RPS6KC1: variants seen among roughly 807,000 people sequenced by gnomAD.
The protein encoded by RPS6KC1 is inactive ribosomal protein S6 kinase delta-1.
RPS6KC1 carries 54 observed loss-of-function variants against 103.8 expected under a neutral mutation model. The observed-to-expected ratio is 0.52, with a 90% confidence interval of 0.42 to 0.65. RPS6KC1 has a LOEUF of 0.65. Ranked by LOEUF, RPS6KC1 falls within the 30% of genes least tolerant of loss-of-function variation. The pLI is 0.00. For missense variants in RPS6KC1, 1,151 were observed against 1,253.8 expected, an observed-to-expected ratio of 0.92 and a Z score of 1.24; for synonymous variants, 439 against 438.7, an observed-to-expected ratio of 1.00 and a Z score of -0.01.
chr1:213,408,947 G>A, the RPS6KC1 span, among the ~76,000 whole-genome samples: 2 of 152,022 alleles, frequency 1.3e-5, no homozygotes, highest in Non-Finnish European at 2.9e-5. Context: ...CCTGTTCTTT[G>A]GTGTATCCCC....
intron 8 of RPS6KC1, among the ~76,000 whole-genome samples, chr1:213,185,779 T>C (rs2092497832): frequency 6.6e-6 from 1 of 152,116 alleles, no homozygotes; most frequent in Non-Finnish European, 1.5e-5. Context: ...GTCTTTTTTC[T>C]TGTCTTCCTT....
the RPS6KC1 span, among the ~76,000 whole-genome samples, chr1:213,451,286 T>C: frequency 2.0e-5 from 3 of 152,234 alleles, no homozygotes; most frequent in Non-Finnish European, 4.4e-5. Context: ...ACCTATGCAT[T>C]GAAGCTTTAG....
At chr1:213,486,292 C>A in the RPS6KC1 span, among the ~76,000 whole-genome samples, 1 of 152,178 alleles carries the variant, frequency 6.6e-6, no homozygotes, top group Non-Finnish European at 1.5e-5. Context: ...TCAAGTTTAT[C>A]AAATATGTAC....
At chr1:213,073,107 T>C (rs796384166) in intron 2 of RPS6KC1, 1 of 155,592 alleles carries the variant, frequency 6.4e-6, no homozygotes, top group South Asian at 2.0e-4. Flanking sequence ...ATAACAGTAC[T>C]TTTTTTAGTT....
At chr1:213,608,840 G>T in the RPS6KC1 span, among the ~76,000 whole-genome samples, 1 of 152,158 alleles carries the variant, frequency 6.6e-6, no homozygotes, top group Middle Eastern at 3.4e-3. Context: ...ATGTAAAATG[G>T]ATTCATTAAT....
At chr1:213,098,383 C>G (rs1417136464) in intron 3 of RPS6KC1, among the ~76,000 whole-genome samples, 1 of 149,782 alleles carries the variant, frequency 6.7e-6, no homozygotes, top group East Asian at 2.0e-4. Flanking sequence ...CTCAACTGAT[C>G]AGCCCGCCTC....
the RPS6KC1 span, among the ~76,000 whole-genome samples, chr1:213,772,879 A>G: frequency 6.6e-6 from 1 of 152,160 alleles, no homozygotes; most frequent in Non-Finnish European, 1.5e-5. Context: ...CTCTGCTATA[A>G]ACTGCCTGCC....
the RPS6KC1 span, chr1:213,840,222 A>G: frequency 6.6e-6 from 1 of 152,204 alleles, no homozygotes; most frequent in Non-Finnish European, 1.5e-5. Context: ...ATAAATATTA[A>G]TATAAGTACC....
the RPS6KC1 span, among the ~76,000 whole-genome samples, chr1:213,302,551 C>T: frequency 6.6e-6 from 1 of 152,244 alleles, no homozygotes; most frequent in Non-Finnish European, 1.5e-5. Context: ...GTAATACTTA[C>T]ATTCCTGTGG....
At chr1:213,160,919 G>C (rs892110770) in intron 6 of RPS6KC1, among the ~76,000 whole-genome samples, 1 of 151,900 alleles carries the variant, frequency 6.6e-6, no homozygotes, top group Non-Finnish European at 1.5e-5. Flanking sequence ...AATGGGTGCA[G>C]CAAACCAACA....
At chr1:213,365,973 C>G in the RPS6KC1 span, among the ~76,000 whole-genome samples, 2 of 152,220 alleles carry the variant, frequency 1.3e-5, no homozygotes, top group African/African-American at 2.4e-5. Context: ...TTGCAGACAT[C>G]TATCTAGAGC....
the RPS6KC1 span, among the ~76,000 whole-genome samples, chr1:213,810,341 C>T: frequency 1.3e-5 from 2 of 152,128 alleles, no homozygotes; most frequent in East Asian, 1.9e-4. Context: ...GAAAAATACA[C>T]CTTAGGTAGG....
chr1:213,807,169 C>G, the RPS6KC1 span, among the ~76,000 whole-genome samples: 1 of 152,182 alleles, frequency 6.6e-6, no homozygotes, highest in Admixed American at 6.5e-5. Context: ...TGATGGGCTT[C>G]CCTTTGTGGG....
the RPS6KC1 span, among the ~76,000 whole-genome samples, chr1:213,514,711 G>A: frequency 6.6e-6 from 1 of 152,118 alleles, no homozygotes; most frequent in Non-Finnish European, 1.5e-5. Flanking sequence ...TGTCTTTATA[G>A]CAGCATGTTT....
chr1:213,408,070 A>G, the RPS6KC1 span, among the ~76,000 whole-genome samples: 15 of 152,238 alleles, frequency 9.9e-5, no homozygotes, highest in Non-Finnish European at 1.8e-4. Context: ...CTGGAAGCAC[A>G]GGGAGACACC....
rs1377427865 is a variant in RPS6KC1 at position 213,086,695 on chromosome 1, T to C, written c.262+8879T>C. 3.3e-5 allele frequency among the ~76,000 whole-genome samples: 5 copies of C among 152,330 alleles called. No homozygotes were observed. In the South Asian group the frequency reaches 1.0e-3, roughly 32 times the overall value. On this transcript the variant is annotated intron_variant, in intron 3 of 14. Transcript: ENST00000366960. ...GAGATCACTATCTGGACAGTAGGTATGCTTCTTGCAACTTACATCTAAGCT... is the reference window on the plus strand; with the variant it reads ...GAGATCACTATCTGGACAGTAGGTACGCTTCTTGCAACTTACATCTAAGCT...
At chr1:213,376,084 CTGTG>C in the RPS6KC1 span, among the ~76,000 whole-genome samples, 13,321 of 140,114 alleles carry the variant, frequency 0.095, 915 homozygotes, top group East Asian at 0.2. Flanking sequence ...CTCGTGACAA[CTGTG>C]TGTGTGTGTG....
chr1:213,416,105 A>G, the RPS6KC1 span, among the ~76,000 whole-genome samples: 14 of 152,080 alleles, frequency 9.2e-5, no homozygotes, highest in Admixed American at 9.2e-4. Context: ...GTGGGTGTGA[A>G]AGTGCCGGGG....
the RPS6KC1 span, among the ~76,000 whole-genome samples, chr1:213,720,277 G>T: frequency 0.025 from 3,795 of 152,306 alleles, 164 homozygotes; most frequent in African/African-American, 0.086. Flanking sequence ...AGTGTTTAAG[G>T]ACTAGTAACA....
Sources: gnomAD v4.1 joint callset for allele counts (sites outside exome capture counted in the v4.1 genomes callset) on GRCh38, gnomAD v4.1.1 for gene constraint, MANE v1.5 for transcripts, NCBI Gene and HGNC (gene_info 2026-07-23, HGNC 2026-07-21) for gene names.